Variants in SH3RF1 observed in about 807,000 individuals in gnomAD.
The protein encoded by SH3RF1 is E3 ubiquitin-protein ligase SH3RF1.
In SH3RF1, 32 loss-of-function variants were observed where a neutral mutation model predicts 74.0. The observed-to-expected ratio is 0.43, with a 90% CI of 0.33 to 0.58. The LOEUF (loss-of-function observed/expected upper bound fraction) is 0.58, where lower values mean the gene tolerates loss of function less well. SH3RF1 is among the 20% of genes least tolerant of loss of function. The pLI is 0.05. For synonymous variants in SH3RF1, 396 were observed against 439.6 expected (o/e 0.90, Z 1.24); for missense variants, 954 against 1,130.9 (o/e 0.84, Z 2.24).
chr4:169,259,618 T>C (rs1731244498), intron 2 of SH3RF1, among the ~76,000 whole-genome samples: 1 of 152,066 alleles, frequency 6.6e-6, no homozygotes, highest in African/African-American at 2.4e-5. Flanking sequence ...AAAATCAAAA[T>C]TTGTAAGAGA....
At chr4:169,104,700 G>A (rs1183460172) in intron 11 of SH3RF1, among the ~76,000 whole-genome samples, 4 of 151,952 alleles carry the variant, frequency 2.6e-5, no homozygotes, top group South Asian at 2.1e-4. Context: ...TCAGGAGTTC[G>A]AGACCACCCT....
chr4:169,104,067 G>C (rs1056522880), intron 11 of SH3RF1, among the ~76,000 whole-genome samples: 1 of 152,094 alleles, frequency 6.6e-6, no homozygotes. Flanking sequence ...TGTTAGAAAG[G>C]AGCCCCTCTA....
At chr4:169,250,318 TA>T (rs5863991) in intron 2 of SH3RF1, among the ~76,000 whole-genome samples, 13,429 of 143,568 alleles carry the variant, frequency 0.094, 648 homozygotes, top group African/African-American at 0.14. Context: ...CTCTTGGGTT[TA>T]AAAAAAAAAA....
At chr4:169,214,664 T>C (rs1367328391) in intron 2 of SH3RF1, among the ~76,000 whole-genome samples, 2 of 152,208 alleles carry the variant, frequency 1.3e-5, no homozygotes, top group East Asian at 3.8e-4. Context: ...GCTATAAGTA[T>C]ATAGGTCCAT....
In SH3RF1 at chr4:169,238,508, C is replaced by T. The variant is rs148689147; in HGVS notation, c.393+30312G>A. 7.2e-5 allele frequency among the ~76,000 whole-genome samples: 11 copies of T among 152,280 alleles called. No homozygotes were observed. In the East Asian group the frequency reaches 2.1e-3, roughly 29 times the overall value. On this transcript the variant is annotated intron_variant, in intron 2 of 11. Transcript: ENST00000284637. Reference sequence around the variant, plus strand: ...CTTATACATCTTGTCCTGATAGATGCCTGTGAGGTAGGCAGGGCTGAGAAT... The same window carrying T: ...CTTATACATCTTGTCCTGATAGATGTCTGTGAGGTAGGCAGGGCTGAGAAT...
chr4:169,260,142 G>A (rs1000103094), intron 2 of SH3RF1, among the ~76,000 whole-genome samples: 1 of 152,202 alleles, frequency 6.6e-6, no homozygotes, highest in Non-Finnish European at 1.5e-5. Context: ...GTGGAATGCT[G>A]AGAAAAGACC....
intron 4 of SH3RF1, among the ~76,000 whole-genome samples, chr4:169,141,768 G>A (rs1441584537): frequency 2.0e-5 from 3 of 149,890 alleles, no homozygotes; most frequent in East Asian, 2.0e-4. Flanking sequence ...CTCCTGAGTA[G>A]CAGAGATTAT....
chr4:169,196,283 T>C (rs1186701087), intron 2 of SH3RF1, among the ~76,000 whole-genome samples: 1 of 152,204 alleles, frequency 6.6e-6, no homozygotes. Flanking sequence ...TTGGAAACTG[T>C]GGCTTTAAGT....
chr4:169,198,824 T>C (rs113254110), intron 2 of SH3RF1, among the ~76,000 whole-genome samples: 16 of 151,972 alleles, frequency 1.1e-4, no homozygotes, highest in African/African-American at 3.4e-4. Context: ...ACGGAAACAA[T>C]AGAGGCCAAT....
At chr4:169,231,329 G>A (rs549937427) in intron 2 of SH3RF1, among the ~76,000 whole-genome samples, 3 of 152,196 alleles carry the variant, frequency 2.0e-5, no homozygotes, top group African/African-American at 7.2e-5. Flanking sequence ...GCACTTTGGG[G>A]GGCCAAGGCA....
chr4:169,261,763 CA>C (rs1281076269), intron 2 of SH3RF1, among the ~76,000 whole-genome samples: 16 of 151,932 alleles, frequency 1.1e-4, no homozygotes, highest in African/African-American at 3.9e-4. Context: ...AAAGAAAACA[CA>C]AAAAAACCTT....
At chr4:169,135,458 G>A (rs994858869) in intron 5 of SH3RF1, among the ~76,000 whole-genome samples, 2 of 152,056 alleles carry the variant, frequency 1.3e-5, no homozygotes, top group Non-Finnish European at 2.9e-5. Context: ...TTCTGCTTGT[G>A]ACAGGCAGCT....
At chr4:169,099,399 T>C (rs1732980205) in intron 11 of SH3RF1, among the ~76,000 whole-genome samples, 1 of 152,208 alleles carries the variant, frequency 6.6e-6, no homozygotes, top group African/African-American at 2.4e-5. Flanking sequence ...CTCTGACACC[T>C]TTAAAAGCAA....
At chr4:169,181,550 C>T (rs542482048) in intron 2 of SH3RF1, among the ~76,000 whole-genome samples, 55 of 136,474 alleles carry the variant, frequency 4.0e-4, no homozygotes, top group African/African-American at 1.4e-3. Context: ...CGTGAGCCAC[C>T]GCGCCAGCCC....
At chr4:169,102,517 T>A (rs973235659) in intron 11 of SH3RF1, among the ~76,000 whole-genome samples, 3 of 152,074 alleles carry the variant, frequency 2.0e-5, no homozygotes, top group African/African-American at 7.2e-5. Context: ...ACTCTTTATA[T>A]ATATATTTTT....
intron 6 of SH3RF1, among the ~76,000 whole-genome samples, chr4:169,126,457 C>T (rs1733527072): frequency 6.6e-6 from 1 of 152,164 alleles, no homozygotes; most frequent in Non-Finnish European, 1.5e-5. Context: ...CTTCCAATTC[C>T]CTGAACCCAC....
At chr4:169,202,066 A>G (rs1251722105) in intron 2 of SH3RF1, among the ~76,000 whole-genome samples, 2 of 152,108 alleles carry the variant, frequency 1.3e-5, no homozygotes, top group Non-Finnish European at 2.9e-5. Context: ...GAATTAAATG[A>G]GAGACAATGC....
At chr4:169,252,393 T>C (rs1731120026) in intron 2 of SH3RF1, among the ~76,000 whole-genome samples, 1 of 152,222 alleles carries the variant, frequency 6.6e-6, no homozygotes, top group Admixed American at 6.5e-5. Flanking sequence ...ATATACAATA[T>C]TCCATAGGAT....
rs747035534 is a variant in SH3RF1, at chr4:169,136,424, C to T, written c.962G>A (p.Arg321His). Reference protein sequence around the residue: ...ANKSSQASQNRHSMEISPPVL... With the variant: ...ANKSSQASQNHHSMEISPPVL... ...AGGGGGGCTGATCTCCATGGAGTGG[C>T]GGTTCTGGGATGCCTGGGAGGACTT... Residue 321 changes from arginine to histidine, a missense_variant, in exon 5 of 12, where the codon CGC becomes CAC. Arg to His is a conservative substitution (Grantham distance 29). Coordinates refer to ENST00000284637, the MANE Select transcript of SH3RF1 (RefSeq NM_020870.4). 5.6e-6 allele frequency: 9 copies of T among 1,605,320 alleles called. No homozygotes were observed. Among genetic ancestry groups the T allele is most frequent in the African/African-American group, 4.0e-5 (3 of 74,540 alleles).
Sources: allele counts gnomAD v4.1 joint callset (sites outside exome capture counted in the v4.1 genomes callset), GRCh38; gene constraint gnomAD v4.1.1; transcripts MANE v1.5; gene names NCBI Gene and HGNC (gene_info 2026-07-23, HGNC 2026-07-21).